Variants in WDR12 observed in about 807,000 individuals in gnomAD.
WDR12 encodes ribosome biogenesis protein WDR12.
WDR12 carries 42 observed loss-of-function variants against 64.3 expected under a neutral mutation model. The observed-to-expected ratio is 0.65, with a 90% confidence interval of 0.51 to 0.84. The LOEUF (loss-of-function observed/expected upper bound fraction) is 0.84. Among genes scored for constraint, WDR12 ranks in the 40% least tolerant of loss-of-function variants. The pLI is 0.00. For synonymous variants in WDR12, 158 were observed against 173.3 expected, an observed-to-expected ratio of 0.91 and a Z score of 0.70; for missense variants, 469 against 494.6, an observed-to-expected ratio of 0.95 and a Z score of 0.49.
chr2:202,881,174 G>C (rs767067580), intron 12 of WDR12, among the ~76,000 whole-genome samples: 14 of 152,234 alleles, frequency 9.2e-5, no homozygotes, highest in Non-Finnish European at 1.6e-4. Flanking sequence ...ATATGCTGTT[G>C]CACTTTCTAT....
intron 2 of WDR12, among the ~76,000 whole-genome samples, chr2:202,906,789 T>A (rs948479327): frequency 1.8e-4 from 27 of 152,194 alleles, no homozygotes; most frequent in Non-Finnish European, 5.9e-5. Flanking sequence ...ACTTAATGTT[T>A]CATGTTTAAA....
intron 8 of WDR12, among the ~76,000 whole-genome samples, chr2:202,885,318 T>G (rs1574402549): frequency 6.6e-6 from 1 of 152,216 alleles, no homozygotes; most frequent in African/African-American, 2.4e-5. Context: ...GTGTTGCGTG[T>G]GTGCTCTTCC....
chr2:202,906,322 T>C (rs888401460), intron 2 of WDR12, among the ~76,000 whole-genome samples: 3 of 152,134 alleles, frequency 2.0e-5, no homozygotes, highest in Non-Finnish European at 4.4e-5. Context: ...GTAAATATCC[T>C]TGAATATTGA....
At chr2:202,887,037 T>A (rs1688060308) in intron 8 of WDR12, among the ~76,000 whole-genome samples, 1 of 152,180 alleles carries the variant, frequency 6.6e-6, no homozygotes, top group Admixed American at 6.6e-5. Flanking sequence ...TTGTTTTTTG[T>A]TTTTTTGAGA....
Position 202,888,583 on chromosome 2 carries a change from ATG to A in WDR12, c.741+4032_741+4033del, listed in dbSNP as rs1406092569. On this transcript the variant is annotated intron_variant, in intron 8 of 12. Transcript: ENST00000261015. ...TATTGTATGTTAATATATCAAGCAAATGACAGGTAAATGAACTGGCAGCATTA... is the reference window on the plus strand; with the variant it reads ...TATTGTATGTTAATATATCAAGCAAAACAGGTAAATGAACTGGCAGCATTA... 3.9e-5 allele frequency among the ~76,000 whole-genome samples: 6 copies of A among 152,348 alleles called. No individual in the cohort carries two copies. The East Asian group carries it at 1.2e-3, about 29-fold the overall frequency.
rs1396856311 is a variant in WDR12, at chr2:202,876,416, T to C, written c.*4444A>G. 1.3e-5 allele frequency: 2 copies of C among 152,226 alleles called. No individual in the cohort carries two copies. Among genetic ancestry groups the C allele is most frequent in the Admixed American group, 1.3e-4 (2 of 15,284 alleles). The allele number at this position is 152,226 out of a possible 1,614,324, so 9.4% of individuals were successfully genotyped here. ...CTGTTATTGTGTTTGATACTTAATC[T>C]ATGATAGTCAAAAATGTCAACAATG... On this transcript the variant is annotated 3_prime_UTR_variant, in exon 13 of 13. Transcript: ENST00000261015.
At chr2:202,903,721 C>T (rs1020479661) in intron 2 of WDR12, among the ~76,000 whole-genome samples, 2 of 151,960 alleles carry the variant, frequency 1.3e-5, no homozygotes, top group African/African-American at 4.8e-5. Flanking sequence ...ATGCTAACAG[C>T]GAACAATCAG....
At chr2:202,900,910 T>C (rs1371936225) in intron 3 of WDR12, 115 bp downstream of exon 3, 2 of 746,016 alleles carry the variant, frequency 2.7e-6, no homozygotes, top group African/African-American at 1.7e-5. Flanking sequence ...ATAGCCAATA[T>C]ATTAAAAAGA....
Position 202,877,857 on chromosome 2 carries a change from A to G in WDR12, c.*3003T>C, listed in dbSNP as rs1043748341. 2 of 152,270 alleles carry G rather than the reference A, an allele frequency of 1.3e-5. No homozygotes were observed. Among genetic ancestry groups the G allele is most frequent in the Admixed American group, 6.5e-5 (1 of 15,286 alleles). The allele number at this position is 152,270 out of a possible 1,614,324, so 9.4% of individuals were successfully genotyped here. On this transcript the variant is annotated 3_prime_UTR_variant, in exon 13 of 13. Transcript: ENST00000261015. ...TTATCCAAGTGATTCTTGGGAATAT[A>G]TAAGTCCATGTAAAGCAGGCATCTC... is the stretch of plus-strand genomic sequence containing the variant.
intron 8 of WDR12, among the ~76,000 whole-genome samples, chr2:202,886,068 C>A (rs1001337158): frequency 4.0e-5 from 6 of 151,080 alleles, no homozygotes; most frequent in African/African-American, 1.5e-4. Context: ...ACTCGGCCCA[C>A]AGTTGTTTTA....
intron 11 of WDR12, 149 bp from the exon 12 acceptor site, chr2:202,882,932 A>ATC: frequency 3.4e-6 from 2 of 584,214 alleles, no homozygotes; most frequent in Non-Finnish European, 5.9e-6. Context: ...TTATTTGATC[A>ATC]TCTCTCCTCT....
chr2:202,905,393 T>G (rs1170013360), intron 2 of WDR12, among the ~76,000 whole-genome samples: 1 of 152,270 alleles, frequency 6.6e-6, no homozygotes, highest in African/African-American at 2.4e-5. Context: ...TCCACCCACC[T>G]TGGCCTCCCA....
chr2:202,906,898 T>C (rs1232804889), intron 2 of WDR12, among the ~76,000 whole-genome samples: 1 of 152,000 alleles, frequency 6.6e-6, no homozygotes, highest in African/African-American at 2.4e-5. Context: ...CAATCAAAAC[T>C]ACAATGAGAT....
At position 202,877,967 on chromosome 2, in the gene WDR12, A is replaced by C. The variant is rs1221367934; in HGVS notation, c.*2893T>G. On this transcript the variant is annotated 3_prime_UTR_variant, in exon 13 of 13. Transcript: ENST00000261015. Reference sequence around the variant, plus strand: ...GTGTGGAGCAATATCAGAGGACTGAATAGTCTAGGCATGTATTGACCTCTC... The same window carrying C: ...GTGTGGAGCAATATCAGAGGACTGACTAGTCTAGGCATGTATTGACCTCTC... The C allele has an allele frequency of 6.6e-6, 1 of 152,190 alleles. No individual in the cohort carries two copies. The highest frequency in any genetic ancestry group is 1.5e-5 in the Non-Finnish European group (1 of 68,044). 9.4% of individuals were successfully genotyped at this position (152,190 alleles called of 1,614,324 possible). A position where few individuals can be genotyped will look rare whatever the true frequency, so the allele number is the denominator to read the frequency against.
At position 202,899,565 on chromosome 2, in the gene WDR12, C is replaced by A; in HGVS notation, c.304G>T (p.Asp102Tyr). ...GCCCCTTTAATTGAACTGATCCAGT[C>A]ATCATGGAACATGCATTGCTCTGGC... is the stretch of plus-strand genomic sequence containing the variant. ...PQPEQCMFHD[D>Y]WISSIKGAEE... The change falls in exon 4 of 13, where the codon GAC becomes TAC. Residue 102 changes from aspartate to tyrosine, a missense_variant. Coordinates refer to ENST00000261015, the MANE Select transcript of WDR12 (RefSeq NM_018256.4). 1 of 1,614,122 alleles carries A rather than the reference C, an allele frequency of 6.2e-7. No individual in the cohort carries two copies. The highest frequency in any genetic ancestry group is 1.1e-5 in the South Asian group (1 of 91,062).
chr2:202,900,747 T>C (rs956945977), intron 3 of WDR12, among the ~76,000 whole-genome samples: 2 of 152,178 alleles, frequency 1.3e-5, no homozygotes, highest in Non-Finnish European at 2.9e-5. Context: ...ATATAAAGAA[T>C]GTGTTCATTT....
At chr2:202,890,921 G>C (rs1044276385) in intron 8 of WDR12, among the ~76,000 whole-genome samples, 1 of 150,138 alleles carries the variant, frequency 6.7e-6, no homozygotes, top group African/African-American at 2.4e-5. Context: ...CTGAGGCCAG[G>C]AGTTTGAGGT....
At chr2:202,881,494 G>A (rs923592937) in intron 12 of WDR12, among the ~76,000 whole-genome samples, 18 of 152,052 alleles carry the variant, frequency 1.2e-4, no homozygotes, top group African/African-American at 3.9e-4. Context: ...GAAGATACTC[G>A]TGGGGGCTAG....
intron 6 of WDR12, among the ~76,000 whole-genome samples, chr2:202,895,405 C>T (rs1023131992): frequency 2.0e-5 from 3 of 151,786 alleles, no homozygotes; most frequent in African/African-American, 7.3e-5. Flanking sequence ...ATCAACTAGG[C>T]GTTTTCAGTT....
Sources: allele counts gnomAD v4.1 joint callset (sites outside exome capture counted in the v4.1 genomes callset), GRCh38; gene constraint gnomAD v4.1.1; transcripts MANE v1.5; gene names NCBI Gene and HGNC (gene_info 2026-07-23, HGNC 2026-07-21).